Variants in ENAH observed in about 807,000 individuals in gnomAD.
ENAH encodes the protein ENAH actin regulator, also known as protein enabled homolog.
ENAH carries 23 observed loss-of-function variants against 78.7 expected under a neutral mutation model. The observed-to-expected ratio is 0.29, with a 90% confidence interval of 0.21 to 0.41. ENAH has a LOEUF of 0.41. Among genes scored for constraint, ENAH ranks in the 10% least tolerant of loss-of-function variants. ENAH has a pLI of 1.00. For synonymous variants in ENAH, 226 were observed against 241.0 expected (o/e 0.94, Z 0.58); for missense variants, 544 against 691.0 (o/e 0.79, Z 2.39).
chr1:225,500,351 C>A (rs2096275125), intron 12 of ENAH, among the ~76,000 whole-genome samples: 1 of 152,074 alleles, frequency 6.6e-6, no homozygotes, highest in African/African-American at 2.4e-5. Context: ...GTATCTTTTT[C>A]TTTTTTATAA....
chr1:225,558,627 CT>C (rs71170091), intron 2 of ENAH, among the ~76,000 whole-genome samples: 1,649 of 69,118 alleles, frequency 0.024, 1 homozygote, highest in South Asian at 0.056. Context: ...TAATTTCTGC[CT>C]TTTTTTTTTT....
At chr1:225,519,816 C>G (rs1476871121) in intron 4 of ENAH, among the ~76,000 whole-genome samples, 1 of 152,144 alleles carries the variant, frequency 6.6e-6, no homozygotes, top group Non-Finnish European at 1.5e-5. Context: ...TTATTCTGTA[C>G]TTTTCATGAG....
chr1:225,580,634 G>T (rs983107263), intron 1 of ENAH, among the ~76,000 whole-genome samples: 1 of 152,086 alleles, frequency 6.6e-6, no homozygotes, highest in African/African-American at 2.4e-5. Context: ...AACTACTTAA[G>T]ATTGGGCCGG....
intron 1 of ENAH, among the ~76,000 whole-genome samples, chr1:225,589,003 T>C (rs975817131): frequency 2.0e-5 from 3 of 151,928 alleles, no homozygotes; most frequent in Non-Finnish European, 4.4e-5. Context: ...AGCAAACAAC[T>C]GATATACATG....
intron 3 of ENAH, among the ~76,000 whole-genome samples, chr1:225,552,106 A>G (rs567502992): frequency 5.5e-5 from 8 of 145,160 alleles, no homozygotes; most frequent in East Asian, 4.0e-4. Flanking sequence ...GTAAGAAATT[A>G]TATCTATTCC....
At chr1:225,607,647 CTG>C (rs889555471) in intron 1 of ENAH, among the ~76,000 whole-genome samples, 18 of 152,078 alleles carry the variant, frequency 1.2e-4, no homozygotes, top group Non-Finnish European at 1.8e-4. Flanking sequence ...ACAGGAGAGA[CTG>C]TAAACAAAGG....
In ENAH at chr1:225,545,364, T is replaced by C. The variant is rs189068473; in HGVS notation, c.349+9542A>G. On this transcript the variant is annotated intron_variant, in intron 3 of 13. Coordinates refer to ENST00000366843, the MANE Select transcript of ENAH (RefSeq NM_018212.6). ...CAGTAGTTTTCAAAGATCTTGTTCC[T>C]AGGATCCACTTATATTCCTAACAAT... Among the ~76,000 whole-genome samples, 12 of 152,292 alleles carry C rather than the reference T, an allele frequency of 7.9e-5. No individual in the cohort carries two copies. In the East Asian group the frequency reaches 2.3e-3, roughly 29 times the overall value.
chr1:225,494,514 C>T lies in ENAH; in HGVS notation c.*3261G>A, dbSNP rs967057799. The T allele has an allele frequency of 2.0e-5, 3 of 152,236 alleles. No homozygotes were observed. The highest frequency in any genetic ancestry group is 7.2e-5 in the African/African-American group (3 of 41,540). The allele number at this position is 152,236 out of a possible 1,614,324, so 9.4% of individuals were successfully genotyped here. A position where few individuals can be genotyped will look rare whatever the true frequency, so the allele number is the denominator to read the frequency against. ...AACAAAATGGAATAAAAATTAAACA[C>T]TTAATCATCATCTTGACTATAAGAG... On this transcript the variant is annotated 3_prime_UTR_variant, in exon 14 of 14. Coordinates refer to ENST00000366843, the MANE Select transcript of ENAH (RefSeq NM_018212.6).
intron 3 of ENAH, among the ~76,000 whole-genome samples, chr1:225,552,096 G>A (rs1032835087): frequency 4.7e-5 from 7 of 148,730 alleles, no homozygotes; most frequent in East Asian, 2.0e-4. Context: ...GAGAATCTGC[G>A]TAAGAAATTA....
intron 4 of ENAH, among the ~76,000 whole-genome samples, 182 bp downstream of exon 4, chr1:225,530,372 T>G (rs2096532238): frequency 6.6e-6 from 1 of 152,154 alleles, no homozygotes; most frequent in Admixed American, 6.6e-5. Flanking sequence ...TTATAACATC[T>G]CATGTCCAGC....
At chr1:225,610,220 T>C (rs1372992733) in intron 1 of ENAH, among the ~76,000 whole-genome samples, 1 of 152,000 alleles carries the variant, frequency 6.6e-6, no homozygotes, top group Non-Finnish European at 1.5e-5. Flanking sequence ...TAACGTGATT[T>C]TCTCTCAAGT....
chr1:225,620,371 C>T (rs1656589039), intron 1 of ENAH, among the ~76,000 whole-genome samples: 1 of 151,648 alleles, frequency 6.6e-6, no homozygotes. Flanking sequence ...ACCAAAAATA[C>T]AAAAATTAGC....
At chr1:225,616,471 A>G (rs1433945424) in intron 1 of ENAH, among the ~76,000 whole-genome samples, 1 of 152,188 alleles carries the variant, frequency 6.6e-6, no homozygotes, top group Non-Finnish European at 1.5e-5. Context: ...CATACAAGTA[A>G]ATTTCAAATT....
At chr1:225,640,239 GATTCATTCTTC>G (rs1660798196) in intron 1 of ENAH, among the ~76,000 whole-genome samples, 1 of 152,110 alleles carries the variant, frequency 6.6e-6, no homozygotes, top group African/African-American at 2.4e-5. Context: ...ACCAACACTT[GATTCATTCTTC>G]TTTCATTCTA....
rs2096454719 is a variant in ENAH at position 225,520,005 on chromosome 1, C to T, written c.435-440G>A. On this transcript the variant is annotated intron_variant, in intron 4 of 13. Transcript: ENST00000366843. ...ACAGCAATAGCTCAATAAATATTTA[C>T]TGAATGGGCCAGGTGTAGTGACTCA... Among the ~76,000 whole-genome samples the T allele has an allele frequency of 2.0e-5, 3 of 152,072 alleles. No homozygotes were observed. In the South Asian group the frequency reaches 6.2e-4, roughly 32 times the overall value.
chr1:225,639,254 T>C (rs933470081), intron 1 of ENAH, among the ~76,000 whole-genome samples: 2 of 152,194 alleles, frequency 1.3e-5, no homozygotes, highest in African/African-American at 2.4e-5. Flanking sequence ...CCAGACCTGG[T>C]TGGTGGCTAC....
chr1:225,554,073 A>G (rs2096654619), intron 3 of ENAH, among the ~76,000 whole-genome samples: 1 of 152,198 alleles, frequency 6.6e-6, no homozygotes, highest in Non-Finnish European at 1.5e-5. Context: ...CAAAGTATCA[A>G]ATTTTCATCT....
At chr1:225,641,290 A>G (rs948205705) in intron 1 of ENAH, among the ~76,000 whole-genome samples, 4 of 151,984 alleles carry the variant, frequency 2.6e-5, no homozygotes, top group Non-Finnish European at 5.9e-5. Context: ...ATAGTAAAAA[A>G]TTATGCATTT....
chr1:225,546,410 C>T (rs1445558088), intron 3 of ENAH, among the ~76,000 whole-genome samples: 3 of 152,066 alleles, frequency 2.0e-5, no homozygotes, highest in African/African-American at 7.2e-5. Context: ...GAGGTTGTTC[C>T]TGTGTGTAAA....
Sources: gnomAD v4.1 joint callset for allele counts (sites outside exome capture counted in the v4.1 genomes callset) on GRCh38, gnomAD v4.1.1 for gene constraint, MANE v1.5 for transcripts, NCBI Gene and HGNC (gene_info 2026-07-23, HGNC 2026-07-21) for gene names.